TAFA4: variants seen among roughly 807,000 people sequenced by gnomAD.
TAFA4 encodes the protein chemokine-like protein TAFA-4.
TAFA4 carries 20 observed loss-of-function variants against 21.1 expected under a neutral mutation model. The ratio of observed to expected loss-of-function variants is 0.95; its 90% confidence interval spans 0.67 to 1.38. The LOEUF (loss-of-function observed/expected upper bound fraction) is 1.38. TAFA4 is among the 40% of genes most tolerant of loss of function. The pLI is 0.00. For missense variants in TAFA4, 211 were observed against 180.9 expected (o/e 1.17, Z -0.95); for synonymous variants, 71 against 67.4 (o/e 1.05, Z -0.26).
At chr3:68,889,559 C>T (rs2089710629) in intron 1 of TAFA4, among the ~76,000 whole-genome samples, 1 of 152,144 alleles carries the variant, frequency 6.6e-6, no homozygotes, top group Admixed American at 6.5e-5. Flanking sequence ...GTCTGCTACA[C>T]CCACCTCACT....
At chr3:68,816,125 T>C (rs1703968916) in intron 3 of TAFA4, among the ~76,000 whole-genome samples, 1 of 148,558 alleles carries the variant, frequency 6.7e-6, no homozygotes, top group Non-Finnish European at 1.5e-5. Flanking sequence ...TGAGAACACA[T>C]GGACACAGGA....
intron 3 of TAFA4, among the ~76,000 whole-genome samples, chr3:68,755,705 A>T (rs1179187531): frequency 1.3e-5 from 2 of 152,188 alleles, no homozygotes; most frequent in South Asian, 4.1e-4. Flanking sequence ...CCCTGGCATG[A>T]GCAGCCCTAC....
At chr3:68,845,997 G>A (rs1350284136) in intron 3 of TAFA4, among the ~76,000 whole-genome samples, 1 of 152,028 alleles carries the variant, frequency 6.6e-6, no homozygotes, top group Non-Finnish European at 1.5e-5. Context: ...CGTGTCTTGG[G>A]GTTGGTCGTC....
Position 68,877,978 on chromosome 3 carries a change from A to C in TAFA4, c.130+2752T>G, listed in dbSNP as rs535383616. ...TCATTCCATTTTTACAGATGATAAAACAGGTTCAGAGAGGTTAAGTGGCCT... is the reference window on the plus strand; with the variant it reads ...TCATTCCATTTTTACAGATGATAAACCAGGTTCAGAGAGGTTAAGTGGCCT... On this transcript the variant is annotated intron_variant, in intron 3 of 5. Coordinates refer to ENST00000295569, the MANE Select transcript of TAFA4 (RefSeq NM_182522.5). Among the ~76,000 whole-genome samples, 199 of 152,302 alleles carry C rather than the reference A, an allele frequency of 1.3e-3. 1 individual carries two copies. Among genetic ancestry groups the C allele is most frequent in the African/African-American group, 4.7e-3 (194 of 41,572 alleles).
chr3:68,889,003 G>T (rs1482053941), intron 1 of TAFA4, among the ~76,000 whole-genome samples: 2 of 152,172 alleles, frequency 1.3e-5, no homozygotes, highest in African/African-American at 4.8e-5. Flanking sequence ...CCAAAAGAAA[G>T]CATTTACTTG....
At chr3:68,795,601 T>A (rs1489998) in intron 3 of TAFA4, among the ~76,000 whole-genome samples, 22,953 of 152,114 alleles carry the variant, frequency 0.15, 2,563 homozygotes, top group East Asian at 0.32. Flanking sequence ...GATGTAATGC[T>A]TGAGCTACTG....
chr3:68,816,809 T>A (rs937145757), intron 3 of TAFA4, among the ~76,000 whole-genome samples: 1 of 104,316 alleles, frequency 9.6e-6, no homozygotes, highest in Admixed American at 9.3e-5. Context: ...ATGTTTATAT[T>A]CTACTGTAGT....
intron 3 of TAFA4, among the ~76,000 whole-genome samples, chr3:68,854,356 T>C (rs554570612): frequency 7.9e-4 from 120 of 152,140 alleles, no homozygotes; most frequent in African/African-American, 2.8e-3. Context: ...TTGGAGGTCA[T>C]GAAAATGACT....
Position 68,804,689 on chromosome 3 carries a change from A to G in TAFA4, c.131-51671T>C, listed in dbSNP as rs548989519. On this transcript the variant is annotated intron_variant, in intron 3 of 5. Transcript: ENST00000295569. ...CTGATCTTTGACAAACCTGAGAAAAACAAGCAATGGGGAAAGGATTCCCTA... is the reference window on the plus strand; with the variant it reads ...CTGATCTTTGACAAACCTGAGAAAAGCAAGCAATGGGGAAAGGATTCCCTA... Among the ~76,000 whole-genome samples the G allele has an allele frequency of 3.9e-5, 6 of 152,270 alleles. No individual in the cohort carries two copies. The South Asian group carries it at 1.0e-3, about 26-fold the overall frequency.
intron 3 of TAFA4, among the ~76,000 whole-genome samples, chr3:68,776,350 A>C (rs1334259505): frequency 1.3e-5 from 2 of 152,218 alleles, no homozygotes; most frequent in Non-Finnish European, 2.9e-5. Context: ...AAGTAAGCAT[A>C]AAATGGCTGG....
intron 3 of TAFA4, among the ~76,000 whole-genome samples, chr3:68,851,199 G>A (rs1427598926): frequency 6.6e-6 from 1 of 152,106 alleles, no homozygotes. Context: ...ACAGGGACAT[G>A]GATGGAGCTG....
At chr3:68,826,142 G>T (rs1021098908) in intron 3 of TAFA4, among the ~76,000 whole-genome samples, 1 of 152,186 alleles carries the variant, frequency 6.6e-6, no homozygotes, top group Admixed American at 6.6e-5. Flanking sequence ...TATTTGCTCC[G>T]AAGGGAGAAG....
At chr3:68,820,756 A>G (rs1704095606) in intron 3 of TAFA4, among the ~76,000 whole-genome samples, 1 of 152,228 alleles carries the variant, frequency 6.6e-6, no homozygotes. Flanking sequence ...CCTATGTTAC[A>G]TAGCTTGATT....
At chr3:68,921,698 C>T (rs9830005) in intron 1 of TAFA4, among the ~76,000 whole-genome samples, 4,237 of 152,214 alleles carry the variant, frequency 0.028, 199 homozygotes, top group African/African-American at 0.096. Context: ...CTTAACTATA[C>T]AGGAACAAAA....
chr3:68,849,252 G>A (rs972929458), intron 3 of TAFA4, among the ~76,000 whole-genome samples: 5 of 152,126 alleles, frequency 3.3e-5, no homozygotes, highest in Admixed American at 2.6e-4. Flanking sequence ...ATTCTTCTAT[G>A]CTTCTCTGAT....
chr3:68,929,609 T>C (rs972510552), intron 1 of TAFA4, among the ~76,000 whole-genome samples: 1 of 152,240 alleles, frequency 6.6e-6, no homozygotes, highest in Non-Finnish European at 1.5e-5. Flanking sequence ...ATTAGTCCAT[T>C]TACTGTGATG....
intron 3 of TAFA4, among the ~76,000 whole-genome samples, chr3:68,803,575 C>T (rs2106831088): frequency 6.6e-6 from 1 of 151,942 alleles, no homozygotes; most frequent in Admixed American, 6.6e-5. Context: ...CTAAGAAGTC[C>T]ATCTAGGCTC....
intron 3 of TAFA4, among the ~76,000 whole-genome samples, chr3:68,793,881 C>T (rs1424950711): frequency 6.6e-6 from 1 of 152,176 alleles, no homozygotes; most frequent in Non-Finnish European, 1.5e-5. Context: ...TGTAACCTTA[C>T]TGTGTTTAAT....
At chr3:68,920,466 T>A (rs968088901) in intron 1 of TAFA4, among the ~76,000 whole-genome samples, 1 of 152,166 alleles carries the variant, frequency 6.6e-6, no homozygotes, top group African/African-American at 2.4e-5. Flanking sequence ...AGAGAGAATC[T>A]ACCAGGTCTT....
Sources: gnomAD v4.1 joint callset for allele counts (sites outside exome capture counted in the v4.1 genomes callset) on GRCh38, gnomAD v4.1.1 for gene constraint, MANE v1.5 for transcripts, NCBI Gene and HGNC (gene_info 2026-07-23, HGNC 2026-07-21) for gene names.